The following TRPC7 variants were observed in gnomAD, a reference collection of about 807,000 sequenced individuals.
The protein encoded by TRPC7 is transient receptor potential cation channel subfamily C member 7, also known as short transient receptor potential channel 7.
In TRPC7, 42 loss-of-function variants were observed where a neutral mutation model predicts 90.1. The observed-to-expected ratio is 0.47, with a 90% CI of 0.36 to 0.60. The LOEUF (loss-of-function observed/expected upper bound fraction) is 0.60, where lower values mean the gene tolerates loss of function less well. TRPC7 is among the 20% of genes least tolerant of loss of function. TRPC7 has a pLI of 0.00. For synonymous variants in TRPC7, 451 were observed against 436.3 expected (o/e 1.03, Z -0.42); for missense variants, 955 against 1,112.3 (o/e 0.86, Z 2.01).
intron 3 of TRPC7, among the ~76,000 whole-genome samples, chr5:136,304,190 T>C (rs55832007): frequency 0.12 from 17,853 of 151,690 alleles, 1,102 homozygotes; most frequent in African/African-American, 0.13. Flanking sequence ...TTGTATCCCC[T>C]CACCTTAGCC....
chr5:136,339,793 C>G (rs1460767020), intron 2 of TRPC7, among the ~76,000 whole-genome samples: 3 of 152,048 alleles, frequency 2.0e-5, no homozygotes, highest in African/African-American at 7.2e-5. Flanking sequence ...GAAATATCTC[C>G]TGTCCTTCTG....
chr5:136,262,220 C>T (rs1260173684), intron 5 of TRPC7, among the ~76,000 whole-genome samples: 1 of 152,178 alleles, frequency 6.6e-6, no homozygotes, highest in African/African-American at 2.4e-5. Context: ...CCTTTAAAAA[C>T]TGAAGTCGTA....
chr5:136,297,313 G>T (rs1264895149), intron 3 of TRPC7, among the ~76,000 whole-genome samples: 1 of 152,102 alleles, frequency 6.6e-6, no homozygotes, highest in Non-Finnish European at 1.5e-5. Context: ...GCTGATAATG[G>T]GTGTCACAGG....
intron 8 of TRPC7, among the ~76,000 whole-genome samples, chr5:136,229,234 G>A (rs1178464119): frequency 6.6e-6 from 1 of 152,174 alleles, no homozygotes; most frequent in African/African-American, 2.4e-5. Context: ...TTTTTCTGGA[G>A]GGCAGCAGCT....
Position 136,247,809 on chromosome 5 carries a change from T to C in TRPC7, c.1580-74A>G, listed in dbSNP as rs899672518. The C allele has an allele frequency of 6.6e-7, 1 of 1,523,996 alleles. No individual in the cohort carries two copies. Among genetic ancestry groups the C allele is most frequent in the Non-Finnish European group, 8.8e-7 (1 of 1,131,830 alleles). The allele number at this position is 1,523,996 out of a possible 1,614,324, so 94.4% of individuals were successfully genotyped here. A position where few individuals can be genotyped will look rare whatever the true frequency, so the allele number is the denominator to read the frequency against. On this transcript the variant is annotated intron_variant, in intron 6 of 11. Coordinates refer to ENST00000513104, the MANE Select transcript of TRPC7 (RefSeq NM_020389.3). This position sits in a 1 kb window ranked among gnomAD's most constrained non-coding sequence, Gnocchi z 4.2. ...AGAAGAGAAACCAGTTAGGCATCTT[T>C]AGAGGTCTCCAACTGCATCATTTGC...
chr5:136,228,855 T>G (rs1755724279), intron 8 of TRPC7, among the ~76,000 whole-genome samples: 1 of 152,180 alleles, frequency 6.6e-6, no homozygotes, highest in Non-Finnish European at 1.5e-5. Context: ...TGTGGGGCTG[T>G]AATACACTCT....
At chr5:136,289,585 G>C (rs930929015) in intron 3 of TRPC7, among the ~76,000 whole-genome samples, 1 of 152,260 alleles carries the variant, frequency 6.6e-6, no homozygotes, top group Non-Finnish European at 1.5e-5. Flanking sequence ...AGGTGGAAGT[G>C]AGGCTGGGGG....
intron 5 of TRPC7, among the ~76,000 whole-genome samples, chr5:136,262,146 A>G (rs1756878875): frequency 6.6e-6 from 1 of 152,106 alleles, no homozygotes; most frequent in Admixed American, 6.5e-5. Context: ...GTGGCCTCCT[A>G]ATTGGTCTCC....
At chr5:136,235,995 T>A (rs540904855) in intron 7 of TRPC7, among the ~76,000 whole-genome samples, 19 of 152,360 alleles carry the variant, frequency 1.2e-4, no homozygotes, top group African/African-American at 4.3e-4. Context: ...TTTACCCAAC[T>A]ATGAAATTGG....
Position 136,251,859 on chromosome 5 carries a change from C to G in TRPC7, c.1369G>C (p.Glu457Gln). Residue 457 changes from glutamate (E) to glutamine (Q), a missense_variant, in exon 6 of 12, where the codon GAA becomes CAA. Transcript: ENST00000513104. ...TCCCGTGGCCCCTCCTCCCAGATTT[C>G]CTTGCATTCGGACCAAATCATTCCT... ...VLGMIWSECK[E>Q]IWEEGPREYV... 1 of 1,613,908 alleles carries G rather than the reference C, an allele frequency of 6.2e-7. No individual in the cohort carries two copies. Among genetic ancestry groups the G allele is most frequent in the East Asian group, 2.2e-5 (1 of 44,878 alleles).
intron 3 of TRPC7, among the ~76,000 whole-genome samples, chr5:136,307,102 T>C (rs2149835038): frequency 6.6e-6 from 1 of 152,348 alleles, no homozygotes; most frequent in South Asian, 2.1e-4. Flanking sequence ...TCAAATTAAT[T>C]AACATATTTA....
In TRPC7 at chr5:136,357,182, A is replaced by G. The variant is rs1760415186; in HGVS notation, c.206T>C (p.Leu69Pro). The change falls in exon 2 of 12, where the codon CTT becomes CCT. Residue 69 changes from leucine (L) to proline (P), a missense_variant. This residue lies in a region of TRPC7 where 161 missense variants were observed against 145.7 expected (regional missense o/e 1.10). Coordinates refer to ENST00000513104, the MANE Select transcript of TRPC7 (RefSeq NM_020389.3). Reference protein sequence around the residue: ...VRKMLEESKTLNFNCVDYMGQ... With the variant: ...VRKMLEESKTPNFNCVDYMGQ... The stretch of plus-strand genomic sequence containing the variant: ...CATGTAGTCCACACAGTTGAAGTTA[A>G]GGGTCTTGGACTCCTCCAGCATTTT... 18 of 1,613,952 alleles carry G rather than the reference A, an allele frequency of 1.1e-5. No homozygotes were observed. Among genetic ancestry groups the G allele is most frequent in the Non-Finnish European group, 1.4e-5 (17 of 1,179,962 alleles).
chr5:136,354,521 T>C (rs1380627257), intron 2 of TRPC7, among the ~76,000 whole-genome samples: 1 of 152,184 alleles, frequency 6.6e-6, no homozygotes, highest in Admixed American at 6.5e-5. Flanking sequence ...AACATCTTCC[T>C]ACAGAGGCTT....
intron 3 of TRPC7, among the ~76,000 whole-genome samples, chr5:136,315,072 T>C (rs1758965011): frequency 6.6e-6 from 1 of 152,224 alleles, no homozygotes; most frequent in Admixed American, 6.5e-5. Flanking sequence ...GAAAGTCTAC[T>C]TGAGCTTCCT....
At chr5:136,226,874 G>C (rs937536959) in intron 8 of TRPC7, among the ~76,000 whole-genome samples, 6 of 152,116 alleles carry the variant, frequency 3.9e-5, no homozygotes, top group African/African-American at 1.4e-4. Context: ...TTTCATACTA[G>C]GTCTTCAAAC....
rs1243337674 is a variant in TRPC7 at position 136,247,844 on chromosome 5, C to G, written c.1580-109G>C. 1 of 1,374,546 alleles carries G rather than the reference C, an allele frequency of 7.3e-7. No individual in the cohort carries two copies. The highest frequency in any genetic ancestry group is 9.8e-7 in the Non-Finnish European group (1 of 1,015,474). The allele number at this position is 1,374,546 out of a possible 1,614,324, so 85.1% of individuals were successfully genotyped here. A position where few individuals can be genotyped will look rare whatever the true frequency, so the allele number is the denominator to read the frequency against. On this transcript the variant is annotated intron_variant, in intron 6 of 11. Transcript: ENST00000513104. The surrounding 1 kb of genome is among the most constrained non-coding windows in gnomAD (Gnocchi z 4.2). Reference sequence around the variant, plus strand: ...CAACTGCATCATTTGCCATTCTTGTCCTTGTCCTTAAATTAATCCCAATAT... The same window carrying G: ...CAACTGCATCATTTGCCATTCTTGTGCTTGTCCTTAAATTAATCCCAATAT...
intron 6 of TRPC7, among the ~76,000 whole-genome samples, chr5:136,251,434 C>G (rs186393871): frequency 1.4e-4 from 22 of 152,334 alleles, no homozygotes; most frequent in African/African-American, 4.8e-4. Context: ...ACTAATTCCA[C>G]GTTCTATTCT....
intron 2 of TRPC7, among the ~76,000 whole-genome samples, chr5:136,338,261 G>A (rs1343051236): frequency 6.6e-6 from 1 of 152,176 alleles, no homozygotes; most frequent in East Asian, 1.9e-4. Flanking sequence ...GTCGTTTTCT[G>A]TTTGAGAATT....
At chr5:136,336,051 C>T (rs1042429094) in intron 2 of TRPC7, among the ~76,000 whole-genome samples, 8 of 152,068 alleles carry the variant, frequency 5.3e-5, no homozygotes, top group Non-Finnish European at 8.8e-5. Context: ...ACACTGAGCC[C>T]GGTCACACCT....
Sources: gnomAD v4.1 joint callset for allele counts (sites outside exome capture counted in the v4.1 genomes callset) on GRCh38, gnomAD v4.1.1 for gene constraint, gnomAD v4.1.1 regional missense constraint, Gnocchi (gnomAD v3.1) non-coding constraint, MANE v1.5 for transcripts, NCBI Gene and HGNC (gene_info 2026-07-23, HGNC 2026-07-21) for gene names.